The following CAV1 variants were observed in gnomAD, a reference collection of about 807,000 sequenced individuals.
CAV1 encodes the protein caveolin-1.
A neutral mutation model predicts 16.5 loss-of-function variants in CAV1; 10 were observed. The observed-to-expected ratio is 0.61, with a 90% confidence interval of 0.37 to 1.03. CAV1 has a LOEUF of 1.03. CAV1 is among the 50% of genes least tolerant of loss of function. The probability of loss-of-function intolerance (pLI) is 0.01; values close to 1 mark genes in which losing one functional copy is unlikely to be tolerated. For missense variants in CAV1, 212 were observed against 232.8 expected (o/e 0.91, Z 0.58); for synonymous variants, 76 against 85.1 (o/e 0.89, Z 0.59).
Position 116,560,996 on chromosome 7 carries a change from T to C in CAV1, c.*1709T>C, listed in dbSNP as rs796502851. 2.0e-4 allele frequency: 31 copies of C among 152,784 alleles called. No individual in the cohort carries two copies. Among genetic ancestry groups the C allele is most frequent in the African/African-American group, 7.0e-4 (29 of 41,592 alleles). The allele number at this position is 152,784 out of a possible 1,614,324, so 9.5% of individuals were successfully genotyped here. On this transcript the variant is annotated 3_prime_UTR_variant, in exon 3 of 3. Transcript: ENST00000341049. ...CTTAGGAAATGGCTTTGTGATTCAA[T>C]CTGTAAACTGTGTATTCCAAGACAT...
chr7:116,555,507 A>C, intron 2 of CAV1, among the ~76,000 whole-genome samples: 1 of 6,312 alleles, frequency 1.6e-4, no homozygotes, highest in South Asian at 0.017. Context: ...AAAGAAAGAA[A>C]GAAAGAAAGA....
Position 116,560,043 on chromosome 7 carries a change from G to A in CAV1, c.*756G>A. On this transcript the variant is annotated 3_prime_UTR_variant, in exon 3 of 3. Coordinates refer to ENST00000341049, the MANE Select transcript of CAV1 (RefSeq NM_001753.5). ...TGAAGACCAAAATTAGAATATCCAT[G>A]ACCTAGTTTTCCATGCGTGTTTCTG... The A allele has an allele frequency of 2.6e-6, 1 of 390,834 alleles. No individual in the cohort carries two copies. Among genetic ancestry groups the A allele is most frequent in the Non-Finnish European group, 4.5e-6 (1 of 221,306 alleles). 24.2% of individuals were successfully genotyped at this position (390,834 alleles called of 1,614,324 possible). A position where few individuals can be genotyped will look rare whatever the true frequency, so the allele number is the denominator to read the frequency against.
chr7:116,534,378 TATATATATATATATATA>T (rs1338629529), intron 2 of CAV1, among the ~76,000 whole-genome samples: 7 of 15,126 alleles, frequency 4.6e-4, no homozygotes, highest in African/African-American at 8.5e-4. Flanking sequence ...TATATATATA[TATATATATATATATATA>T]TTTTTTTTTT....
intron 2 of CAV1, among the ~76,000 whole-genome samples, chr7:116,535,996 C>T (rs1277481191): frequency 6.6e-6 from 1 of 152,134 alleles, no homozygotes; most frequent in African/African-American, 2.4e-5. Context: ...GTATAAACTT[C>T]TCCTGATCCC....
At chr7:116,551,758 G>A (rs9885998) in intron 2 of CAV1, 42,772 of 151,982 alleles carry the variant, frequency 0.28, 6,339 homozygotes, top group African/African-American at 0.38. Context: ...AGGGTCTCTC[G>A]GGGGCTGCAA....
At chr7:116,540,636 T>TA (rs1793916199) in intron 2 of CAV1, among the ~76,000 whole-genome samples, 1 of 152,206 alleles carries the variant, frequency 6.6e-6, no homozygotes, top group African/African-American at 2.4e-5. Context: ...ACTCTCAACT[T>TA]AAAAATGACA....
intron 2 of CAV1, among the ~76,000 whole-genome samples, chr7:116,546,800 G>A (rs1015454722): frequency 6.6e-6 from 1 of 151,880 alleles, no homozygotes; most frequent in African/African-American, 2.4e-5. Flanking sequence ...GGGAATGTGT[G>A]TGCATTTTCT....
chr7:116,525,281 T>A (rs756873467), intron 1 of CAV1, 189 bp downstream of exon 1: 5 of 1,568,932 alleles, frequency 3.2e-6, no homozygotes, highest in Non-Finnish European at 4.3e-6. Flanking sequence ...GAATGTTTTA[T>A]GTTTTCCTAA....
chr7:116,552,424 A>G (rs779551379), intron 2 of CAV1, among the ~76,000 whole-genome samples: 7 of 152,186 alleles, frequency 4.6e-5, no homozygotes. Context: ...ATGTACAACT[A>G]CTATGCAAGC....
At chr7:116,525,121 G>C (rs759425185) in intron 1 of CAV1, 29 bp downstream of exon 1, 6 of 1,614,184 alleles carry the variant, frequency 3.7e-6, no homozygotes, top group South Asian at 1.1e-5. Flanking sequence ...GCGCCGGCTC[G>C]GGCGTGCGGG....
At chr7:116,550,773 T>A (rs1296906248) in intron 2 of CAV1, among the ~76,000 whole-genome samples, 4 of 152,100 alleles carry the variant, frequency 2.6e-5, no homozygotes, top group South Asian at 4.1e-4. Flanking sequence ...AATCTTTTTT[T>A]AAAAAAAGCG....
intron 2 of CAV1, among the ~76,000 whole-genome samples, chr7:116,541,752 T>C (rs1177328903): frequency 5.4e-5 from 1 of 18,638 alleles, no homozygotes; most frequent in African/African-American, 2.7e-4. Flanking sequence ...AGAGCCTGCC[T>C]CAAAAAAAAA....
chr7:116,539,123 C>T (rs1793886252), intron 2 of CAV1, among the ~76,000 whole-genome samples: 1 of 152,164 alleles, frequency 6.6e-6, no homozygotes. Flanking sequence ...CCACAGCCTG[C>T]CTGACAGACC....
intron 2 of CAV1, among the ~76,000 whole-genome samples, chr7:116,536,597 GC>G (rs1285387808): frequency 6.6e-6 from 1 of 152,206 alleles, no homozygotes; most frequent in Admixed American, 6.5e-5. Flanking sequence ...GATCAATGTG[GC>G]CAGAGCCAGG....
At chr7:116,555,754 A>G (rs1794283357) in intron 2 of CAV1, among the ~76,000 whole-genome samples, 1 of 152,008 alleles carries the variant, frequency 6.6e-6, no homozygotes, top group African/African-American at 2.4e-5. Flanking sequence ...TACTAATCAT[A>G]TTGCTATGCT....
chr7:116,546,571 C>T (rs1016779585), intron 2 of CAV1, among the ~76,000 whole-genome samples: 3 of 151,784 alleles, frequency 2.0e-5, no homozygotes, highest in Admixed American at 2.0e-4. Flanking sequence ...GTGGCGGATG[C>T]CTGTAATCCC....
intron 1 of CAV1, chr7:116,526,230 G>C (rs913921938): frequency 6.5e-6 from 7 of 1,071,302 alleles, no homozygotes; most frequent in Non-Finnish European, 7.9e-6. Context: ...GGGGGCCTTC[G>C]GACCGCGCGG....
intron 2 of CAV1, among the ~76,000 whole-genome samples, chr7:116,534,417 T>TTTTTA (rs1793765303): frequency 9.9e-6 from 1 of 100,642 alleles, no homozygotes; most frequent in Non-Finnish European, 2.1e-5. Context: ...TTTTTTTTTT[T>TTTTTA]GAGACGATGT....
chr7:116,555,931 T>C (rs1398786367), intron 2 of CAV1, among the ~76,000 whole-genome samples: 1 of 152,238 alleles, frequency 6.6e-6, no homozygotes, highest in Non-Finnish European at 1.5e-5. Flanking sequence ...GCTGTACTTT[T>C]AGTTTTCTTT....
Sources: gnomAD v4.1 joint callset for allele counts (sites outside exome capture counted in the v4.1 genomes callset) on GRCh38, gnomAD v4.1.1 for gene constraint, MANE v1.5 for transcripts, NCBI Gene and HGNC (gene_info 2026-07-23, HGNC 2026-07-21) for gene names.